Variants in DENND6A observed in about 807,000 individuals in gnomAD.
DENND6A encodes protein DENND6A.
DENND6A carries 43 observed loss-of-function variants against 95.5 expected under a neutral mutation model. The ratio of observed to expected loss-of-function variants is 0.45; its 90% CI spans 0.35 to 0.58. The LOEUF is 0.58. DENND6A is among the 20% of genes least tolerant of loss of function. The pLI, the probability that DENND6A is intolerant of heterozygous loss-of-function variation, is 0.00. For synonymous variants in DENND6A, 257 were observed against 260.4 expected, an observed-to-expected ratio of 0.99 and a Z score of 0.13; for missense variants, 574 against 736.0, an observed-to-expected ratio of 0.78 and a Z score of 2.55.
intron 8 of DENND6A, among the ~76,000 whole-genome samples, chr3:57,658,528 T>C (rs1409247719): frequency 6.6e-6 from 1 of 152,166 alleles, no homozygotes; most frequent in Non-Finnish European, 1.5e-5. Context: ...ACCCTGTCCT[T>C]GTTTAAGAAA....
rs185766652 is a variant in DENND6A at position 57,627,049 on chromosome 3, A to G, written c.*1165T>C. The G allele has an allele frequency of 2.6e-5, 4 of 152,350 alleles. No homozygotes were observed. The highest frequency in any genetic ancestry group is 6.5e-5 in the Admixed American group (1 of 15,306). The allele number at this position is 152,350 out of a possible 1,614,324, so 9.4% of individuals were successfully genotyped here. A position where few individuals can be genotyped will look rare whatever the true frequency, so the allele number is the denominator to read the frequency against. On this transcript the variant is annotated 3_prime_UTR_variant, in exon 20 of 20. Coordinates refer to ENST00000311128, the MANE Select transcript of DENND6A (RefSeq NM_152678.3). ...AAATAAGAATAGTTCAGTTTAAAAA[A>G]ATAGCTGATTATGAGATTTATAATT... is the stretch of plus-strand genomic sequence containing the variant.
chr3:57,692,745 G>C, intron 1 of DENND6A, 37 bp downstream of exon 1: 1 of 1,410,928 alleles, frequency 7.1e-7, no homozygotes, highest in Non-Finnish European at 9.2e-7. Flanking sequence ...CCCGGCGCAG[G>C]GGAGGAGCGC....
chr3:57,690,516 C>G (rs1440105407), intron 1 of DENND6A, among the ~76,000 whole-genome samples: 1 of 150,832 alleles, frequency 6.6e-6, no homozygotes, highest in Non-Finnish European at 1.5e-5. Flanking sequence ...GCAAGACTCT[C>G]TCTCTCAAAA....
intron 1 of DENND6A, among the ~76,000 whole-genome samples, chr3:57,681,615 C>A (rs2077166000): frequency 8.0e-6 from 1 of 124,324 alleles, no homozygotes. Flanking sequence ...CAGAGCAAGA[C>A]CCTGTTAAAA....
intron 10 of DENND6A, 121 bp from the exon 11 acceptor site, chr3:57,645,877 A>G: frequency 1.5e-6 from 1 of 676,750 alleles, no homozygotes; most frequent in African/African-American, 1.8e-5. Context: ...ATTTTAATAA[A>G]TGGTAAACTC....
At chr3:57,646,492 A>T (rs2071083464) in intron 9 of DENND6A, 54 bp from the exon 10 acceptor site, 2 of 1,543,992 alleles carry the variant, frequency 1.3e-6, no homozygotes, top group African/African-American at 1.4e-5. Flanking sequence ...TCCTGTTTTT[A>T]AAATTCCTAC....
intron 12 of DENND6A, among the ~76,000 whole-genome samples, chr3:57,640,561 G>C (rs2070907864): frequency 6.6e-6 from 1 of 152,194 alleles, no homozygotes; most frequent in Admixed American, 6.5e-5. Flanking sequence ...CTGGGCAACA[G>C]AGTGAGACTC....
At chr3:57,647,882 A>G (rs1035017169) in intron 9 of DENND6A, among the ~76,000 whole-genome samples, 3 of 151,802 alleles carry the variant, frequency 2.0e-5, no homozygotes, top group African/African-American at 2.4e-5. Context: ...ATCCAACAAG[A>G]AGAATCAGAG....
intron 15 of DENND6A, among the ~76,000 whole-genome samples, chr3:57,632,021 CT>C (rs771800755): frequency 7.1e-4 from 68 of 96,024 alleles, no homozygotes; most frequent in African/African-American, 8.1e-4. Context: ...CGCGCCCGGC[CT>C]TTTTTTTTTT....
chr3:57,676,163 A>T (rs2071705543), intron 1 of DENND6A, among the ~76,000 whole-genome samples: 1 of 152,024 alleles, frequency 6.6e-6, no homozygotes, highest in Non-Finnish European at 1.5e-5. Flanking sequence ...AGGTCACTTG[A>T]GGCCAGGAGT....
At chr3:57,684,133 C>T (rs1473412589) in intron 1 of DENND6A, among the ~76,000 whole-genome samples, 1 of 115,242 alleles carries the variant, frequency 8.7e-6, no homozygotes, top group Non-Finnish European at 1.6e-5. Context: ...GCCTGGGTGA[C>T]AGAGTGAGAC....
Position 57,628,277 on chromosome 3 carries a change from A to T in DENND6A, c.1764T>A (p.Asp588Glu), listed in dbSNP as rs751663781. 78 of 1,614,052 alleles carry T rather than the reference A, an allele frequency of 4.8e-5. No homozygotes were observed. Among genetic ancestry groups the T allele is most frequent in the Non-Finnish European group, 5.9e-5 (70 of 1,180,046 alleles). ...DTMEKLRTHI[D>E]AIILALPEDL... is the part of the protein sequence containing the mutation. ...CCTCTGGCAATGCTAAGATAATGGCATCTATGTGTGTCCGTAACTTTTCCA... is the reference window on the plus strand; with the variant it reads ...CCTCTGGCAATGCTAAGATAATGGCTTCTATGTGTGTCCGTAACTTTTCCA... The change falls in exon 20 of 20, where the codon GAT (aspartate) becomes GAA (glutamate). Residue 588 changes from aspartate (D) to glutamate (E), a missense_variant. Physicochemically the swap from Asp to Glu is conservative, Grantham distance 45 (BLOSUM62 2). Coordinates refer to ENST00000311128, the MANE Select transcript of DENND6A (RefSeq NM_152678.3).
At chr3:57,681,029 A>T (rs909696354) in intron 1 of DENND6A, among the ~76,000 whole-genome samples, 1 of 152,200 alleles carries the variant, frequency 6.6e-6, no homozygotes, top group Non-Finnish European at 1.5e-5. Context: ...TGCAATTTCA[A>T]TGCTAGGTAT....
At chr3:57,633,075 T>C (rs972457103) in intron 15 of DENND6A, among the ~76,000 whole-genome samples, 190 bp downstream of exon 15, 1 of 152,190 alleles carries the variant, frequency 6.6e-6, no homozygotes, top group African/African-American at 2.4e-5. Flanking sequence ...AGGGAGTGAC[T>C]TACCAAAGTT....
At chr3:57,649,390 T>A (rs749919132) in intron 9 of DENND6A, among the ~76,000 whole-genome samples, 11 of 152,040 alleles carry the variant, frequency 7.2e-5, no homozygotes, top group Non-Finnish European at 1.0e-4. Context: ...AAGGGAATAC[T>A]TTTACACTGT....
At chr3:57,692,329 TCAAA>T (rs753922292) in intron 1 of DENND6A, among the ~76,000 whole-genome samples, 53 of 150,846 alleles carry the variant, frequency 3.5e-4, no homozygotes, top group East Asian at 5.9e-4. Flanking sequence ...AGGGAAACGC[TCAAA>T]CAGTTACTGC....
At chr3:57,672,612 G>A (rs2071637052) in intron 1 of DENND6A, among the ~76,000 whole-genome samples, 174 bp from the exon 2 acceptor site, 1 of 151,848 alleles carries the variant, frequency 6.6e-6, no homozygotes, top group Non-Finnish European at 1.5e-5. Context: ...CCGAAACCCC[G>A]TCTCTACTAA....
intron 12 of DENND6A, among the ~76,000 whole-genome samples, chr3:57,636,311 G>A (rs917626641): frequency 6.6e-6 from 1 of 152,138 alleles, no homozygotes; most frequent in Admixed American, 6.5e-5. Flanking sequence ...TACTCCAAAT[G>A]TGTCAACTGT....
At chr3:57,628,949 A>G (rs1197566610) in intron 18 of DENND6A, 64 bp from the exon 19 acceptor site, 11 of 1,434,126 alleles carry the variant, frequency 7.7e-6, no homozygotes, top group Non-Finnish European at 9.6e-6. Context: ...CTCTATTTCA[A>G]TAGGTAAGGC....
Sources: gnomAD v4.1 joint callset for allele counts (sites outside exome capture counted in the v4.1 genomes callset) on GRCh38, gnomAD v4.1.1 for gene constraint, MANE v1.5 for transcripts, NCBI Gene and HGNC (gene_info 2026-07-23, HGNC 2026-07-21) for gene names.